TOM1L2: variants seen among roughly 807,000 people sequenced by gnomAD.
TOM1L2 encodes TOM1-like protein 2.
Under a neutral mutation model 67.9 loss-of-function variants are expected in TOM1L2, and 31 were observed. The ratio of observed to expected loss-of-function variants is 0.46; its 90% CI spans 0.34 to 0.62. The LOEUF is 0.62. TOM1L2 is among the 20% of genes least tolerant of loss of function. The pLI, the probability that TOM1L2 is intolerant of heterozygous loss-of-function variation, is 0.01. For missense variants in TOM1L2, 606 were observed against 663.5 expected, an observed-to-expected ratio of 0.91 and a Z score of 0.95; for synonymous variants, 256 against 254.0, an observed-to-expected ratio of 1.01 and a Z score of -0.07.
At chr17:17,896,963 G>A (rs777631998) in intron 3 of TOM1L2, among the ~76,000 whole-genome samples, 2 of 152,172 alleles carry the variant, frequency 1.3e-5, no homozygotes, top group Non-Finnish European at 2.9e-5. Context: ...GTGTAGGGAC[G>A]GCAGCCCTGC....
At chr17:17,870,673 G>C (rs1293650401) in intron 7 of TOM1L2, among the ~76,000 whole-genome samples, 1 of 152,158 alleles carries the variant, frequency 6.6e-6, no homozygotes, top group Non-Finnish European at 1.5e-5. Context: ...CAGGAGACAC[G>C]GCAATCTCTC....
At chr17:17,895,205 T>C (rs1288800522) in intron 3 of TOM1L2, among the ~76,000 whole-genome samples, 1 of 152,064 alleles carries the variant, frequency 6.6e-6, no homozygotes, top group Non-Finnish European at 1.5e-5. Context: ...AACCAACCCA[T>C]AGGATTACCT....
chr17:17,878,394 T>C (rs1224539210), intron 7 of TOM1L2, among the ~76,000 whole-genome samples: 1 of 152,252 alleles, frequency 6.6e-6, no homozygotes, highest in Non-Finnish European at 1.5e-5. Flanking sequence ...CCCGGTCTAT[T>C]TCCTGCAAAA....
intron 7 of TOM1L2, among the ~76,000 whole-genome samples, chr17:17,873,611 G>A (rs1049535554): frequency 8.5e-5 from 13 of 152,206 alleles, no homozygotes; most frequent in Admixed American, 7.2e-4. Context: ...CAGCACCGGC[G>A]GCCTGATGGA....
chr17:17,942,568 T>C (rs1351977614), intron 1 of TOM1L2, among the ~76,000 whole-genome samples: 1 of 152,198 alleles, frequency 6.6e-6, no homozygotes, highest in Non-Finnish European at 1.5e-5. Context: ...TATGTACACC[T>C]TCCCTTTTAA....
chr17:17,934,287 C>CA (rs1854124163), intron 1 of TOM1L2, among the ~76,000 whole-genome samples: 1 of 152,022 alleles, frequency 6.6e-6, no homozygotes, highest in Non-Finnish European at 1.5e-5. Context: ...TCTACAAAAA[C>CA]AGTGTTGAAA....
chr17:17,961,023 TA>T (rs1404768899), intron 1 of TOM1L2, among the ~76,000 whole-genome samples: 1 of 152,148 alleles, frequency 6.6e-6, no homozygotes, highest in Non-Finnish European at 1.5e-5. Flanking sequence ...AAAATATTTG[TA>T]AATCACATGT....
chr17:17,925,871 A>G lies in TOM1L2; in HGVS notation c.53-18340T>C, dbSNP rs1223629042. Among the ~76,000 whole-genome samples the G allele has an allele frequency of 3.3e-5, 5 of 149,398 alleles. No homozygotes were observed. The East Asian group carries it at 5.9e-4, about 18-fold the overall frequency. ...CCCTGTCTCAAAAAAAAAAAAAAAA[A>G]GCTAGGTATAGGCTATAGGTTAGTC... On this transcript the variant is annotated intron_variant, in intron 1 of 14. Coordinates refer to ENST00000379504, the MANE Select transcript of TOM1L2 (RefSeq NM_001082968.2).
chr17:17,891,479 G>A (rs1395259966), intron 4 of TOM1L2, among the ~76,000 whole-genome samples: 1 of 152,182 alleles, frequency 6.6e-6, no homozygotes, highest in Non-Finnish European at 1.5e-5. Flanking sequence ...GTGGGCCACA[G>A]CCAGTGAAGA....
intron 1 of TOM1L2, among the ~76,000 whole-genome samples, chr17:17,927,349 C>T (rs1052486698): frequency 1.3e-5 from 2 of 152,190 alleles, no homozygotes; most frequent in African/African-American, 4.8e-5. Context: ...CCCTATGTGG[C>T]GCAAACCACA....
rs16960766 is a variant in TOM1L2, at chr17:17,933,674, G to C, written c.53-26143C>G. Among the ~76,000 whole-genome samples, 1,050 of 152,224 alleles carry C rather than the reference G, an allele frequency of 6.9e-3. 15 individuals carry two copies. Among genetic ancestry groups the C allele is most frequent in the African/African-American group, 0.023 (974 of 41,518 alleles). Reference sequence around the variant, plus strand: ...GATCTGGCTTTAAAATGTTTAGCCTGGTGGAGCCATAATAGTTGTCTGATG... The same window carrying C: ...GATCTGGCTTTAAAATGTTTAGCCTCGTGGAGCCATAATAGTTGTCTGATG... On this transcript the variant is annotated intron_variant, in intron 1 of 14. Transcript: ENST00000379504.
chr17:17,897,750 T>C (rs2038643601), intron 3 of TOM1L2, among the ~76,000 whole-genome samples: 1 of 152,136 alleles, frequency 6.6e-6, no homozygotes, highest in Non-Finnish European at 1.5e-5. Context: ...TACACCTCAC[T>C]AGCTGTGAAG....
intron 1 of TOM1L2, among the ~76,000 whole-genome samples, chr17:17,949,564 T>C (rs747847465): frequency 2.6e-5 from 4 of 152,252 alleles, no homozygotes; most frequent in Non-Finnish European, 4.4e-5. Flanking sequence ...GTGAAGACAG[T>C]GGCTCTCTGG....
At position 17,952,283 on chromosome 17, in the gene TOM1L2, G is replaced by A. The variant is rs74411723; in HGVS notation, c.52+19979C>T. 6.4e-3 allele frequency among the ~76,000 whole-genome samples: 973 copies of A among 151,366 alleles called. 12 individuals carry two copies. Among genetic ancestry groups the A allele is most frequent in the East Asian group, 0.058 (298 of 5,164 alleles). On this transcript the variant is annotated intron_variant, in intron 1 of 14. Coordinates refer to ENST00000379504, the MANE Select transcript of TOM1L2 (RefSeq NM_001082968.2). ...ACAAAAGAAACTTCATGGAACATGC[G>A]CCACACACTAAGCAGCTGATTACCT...
At chr17:17,886,660 CATGGAGTA>C (rs954210930) in intron 4 of TOM1L2, among the ~76,000 whole-genome samples, 1 of 152,260 alleles carries the variant, frequency 6.6e-6, no homozygotes, top group African/African-American at 2.4e-5. Flanking sequence ...TGCCTTTGTA[CATGGAGTA>C]CCAACAGCTC....
chr17:17,895,079 G>A (rs2038497580), intron 3 of TOM1L2, among the ~76,000 whole-genome samples: 1 of 152,100 alleles, frequency 6.6e-6, no homozygotes, highest in African/African-American at 2.4e-5. Context: ...TGTTCAGAAG[G>A]CTGCTGTACA....
intron 12 of TOM1L2, among the ~76,000 whole-genome samples, chr17:17,854,773 A>G (rs1328264272): frequency 6.6e-6 from 1 of 151,552 alleles, no homozygotes; most frequent in East Asian, 1.9e-4. Context: ...GCCTCAAATG[A>G]TCTGCCCAGC....
chr17:17,899,009 C>T (rs1468926996), intron 2 of TOM1L2, among the ~76,000 whole-genome samples: 1 of 152,232 alleles, frequency 6.6e-6, no homozygotes, highest in Non-Finnish European at 1.5e-5. Flanking sequence ...ATACATAGCA[C>T]AGGTGCCAGC....
intron 10 of TOM1L2, among the ~76,000 whole-genome samples, chr17:17,865,042 T>C (rs992093036): frequency 4.6e-5 from 7 of 152,258 alleles, no homozygotes; most frequent in African/African-American, 1.7e-4. Flanking sequence ...GCCATGCTTA[T>C]TATTTCAATG....
Sources: allele counts gnomAD v4.1 joint callset (sites outside exome capture counted in the v4.1 genomes callset), GRCh38; gene constraint gnomAD v4.1.1; transcripts MANE v1.5; gene names NCBI Gene and HGNC (gene_info 2026-07-23, HGNC 2026-07-21).